The following ARHGAP26 variants were observed in gnomAD, a reference collection of about 807,000 sequenced individuals.
ARHGAP26 encodes the protein rho GTPase-activating protein 26.
Under a neutral mutation model 104.8 loss-of-function variants are expected in ARHGAP26, and 38 were observed. The ratio of observed to expected loss-of-function variants is 0.36; its 90% CI spans 0.28 to 0.48. The LOEUF (loss-of-function observed/expected upper bound fraction) is 0.48, where lower values mean the gene tolerates loss of function less well. Among genes scored for constraint, ARHGAP26 ranks in the 20% least tolerant of loss-of-function variants. The pLI is 0.99. For missense variants in ARHGAP26, 704 were observed against 947.9 expected (o/e 0.74, Z 3.38); for synonymous variants, 341 against 340.0 (o/e 1.00, Z -0.03).
chr5:142,953,536 A>G (rs892929878), intron 11 of ARHGAP26, among the ~76,000 whole-genome samples: 3 of 152,176 alleles, frequency 2.0e-5, no homozygotes, highest in African/African-American at 7.2e-5. Flanking sequence ...AGTCTAGTTC[A>G]AGCACCTGCT....
At chr5:142,922,883 A>C (rs755329377) in intron 10 of ARHGAP26, among the ~76,000 whole-genome samples, 15 of 152,096 alleles carry the variant, frequency 9.9e-5, no homozygotes, top group Non-Finnish European at 2.1e-4. Flanking sequence ...TGGTTGGATT[A>C]GAGTGCTGGT....
Position 143,089,369 on chromosome 5 carries a change from T to C in ARHGAP26, c.1539-31619T>C, listed in dbSNP as rs547871395. On this transcript the variant is annotated intron_variant, in intron 17 of 22. Coordinates refer to ENST00000645722, the MANE Select transcript of ARHGAP26 (RefSeq NM_001135608.3). ...GCGAGGGAAGTAAGAATTGAGGCTA[T>C]TATTCTTTTCCATTTACCGAACTAC... is the stretch of plus-strand genomic sequence containing the variant. Among the ~76,000 whole-genome samples the C allele has an allele frequency of 1.1e-4, 16 of 152,312 alleles. No homozygotes were observed. In the South Asian group the frequency reaches 3.1e-3, roughly 30 times the overall value.
intron 17 of ARHGAP26, among the ~76,000 whole-genome samples, chr5:143,094,796 A>G (rs527461026): frequency 6.6e-6 from 1 of 152,234 alleles, no homozygotes; most frequent in Admixed American, 6.5e-5. Context: ...TTGGGGGGAA[A>G]ATGGCTATGA....
At chr5:142,978,676 C>T (rs1335232713) in intron 11 of ARHGAP26, among the ~76,000 whole-genome samples, 2 of 151,832 alleles carry the variant, frequency 1.3e-5, no homozygotes, top group African/African-American at 4.8e-5. Flanking sequence ...TGATACTTTC[C>T]ACCTCTTGAA....
At chr5:143,045,403 A>G (rs182689733) in intron 14 of ARHGAP26, among the ~76,000 whole-genome samples, 27 of 147,908 alleles carry the variant, frequency 1.8e-4, no homozygotes, top group African/African-American at 7.2e-4. Flanking sequence ...GAATCTCTCA[A>G]TTACGGAATC....
intron 9 of ARHGAP26, 67 bp from the exon 10 acceptor site, chr5:142,913,132 T>C (rs1228824879): frequency 1.5e-5 from 19 of 1,289,770 alleles, no homozygotes; most frequent in Non-Finnish European, 2.1e-5. Context: ...TTACATGTCA[T>C]GTATGTCCTG....
At chr5:143,063,457 T>C (rs1399232298) in intron 17 of ARHGAP26, among the ~76,000 whole-genome samples, 5 of 152,182 alleles carry the variant, frequency 3.3e-5, no homozygotes, top group Non-Finnish European at 7.3e-5. Context: ...CAAAGGCAGC[T>C]TCCCCATTGC....
intron 17 of ARHGAP26, among the ~76,000 whole-genome samples, chr5:143,085,286 A>G (rs1170254363): frequency 1.3e-5 from 2 of 152,108 alleles, no homozygotes; most frequent in Admixed American, 6.6e-5. Context: ...GGCAGATAGT[A>G]GGGGAGACAT....
intron 1 of ARHGAP26, among the ~76,000 whole-genome samples, chr5:142,797,989 G>A (rs1327252358): frequency 1.3e-5 from 2 of 152,068 alleles, no homozygotes; most frequent in Non-Finnish European, 2.9e-5. Context: ...CTTCTTTTCC[G>A]CTATGTCCCA....
At chr5:143,135,085 G>T (rs758131660) in intron 19 of ARHGAP26, among the ~76,000 whole-genome samples, 3 of 152,246 alleles carry the variant, frequency 2.0e-5, no homozygotes, top group Non-Finnish European at 2.9e-5. Flanking sequence ...CTACAAATGT[G>T]AGTCAGCATC....
intron 10 of ARHGAP26, among the ~76,000 whole-genome samples, chr5:142,920,247 G>A (rs1435668631): frequency 1.3e-5 from 2 of 152,164 alleles, no homozygotes; most frequent in East Asian, 3.9e-4. Context: ...GATGTGAATC[G>A]GTAGTACTTG....
intron 1 of ARHGAP26, among the ~76,000 whole-genome samples, chr5:142,796,432 T>A (rs1761005045): frequency 6.6e-6 from 1 of 152,240 alleles, no homozygotes; most frequent in Non-Finnish European, 1.5e-5. Flanking sequence ...GTTCTGTGAT[T>A]ATAATCGCTG....
At chr5:143,066,769 T>C (rs1787551199) in intron 17 of ARHGAP26, among the ~76,000 whole-genome samples, 1 of 152,216 alleles carries the variant, frequency 6.6e-6, no homozygotes, top group African/African-American at 2.4e-5. Context: ...CTTGCTTGTG[T>C]TTGCTTAGCA....
intron 11 of ARHGAP26, among the ~76,000 whole-genome samples, chr5:142,975,198 C>T (rs907380613): frequency 2.6e-5 from 4 of 152,136 alleles, no homozygotes; most frequent in East Asian, 1.9e-4. Flanking sequence ...TGCTGCTAAA[C>T]GGCATGGACT....
intron 1 of ARHGAP26, among the ~76,000 whole-genome samples, chr5:142,873,144 T>C (rs1755568584): frequency 6.6e-6 from 1 of 152,240 alleles, no homozygotes; most frequent in Non-Finnish European, 1.5e-5. Flanking sequence ...AGATGACAAG[T>C]TGCCTTTAGA....
intron 1 of ARHGAP26, among the ~76,000 whole-genome samples, chr5:142,791,941 CA>C (rs11397426): frequency 0.021 from 1,399 of 65,150 alleles, 23 homozygotes; most frequent in East Asian, 0.17. Context: ...AAACCCGTCT[CA>C]AAAAAAAAAA....
chr5:143,200,046 C>T (rs568570207), intron 20 of ARHGAP26, among the ~76,000 whole-genome samples: 13 of 152,308 alleles, frequency 8.5e-5, no homozygotes, highest in Admixed American at 6.5e-4. Flanking sequence ...TTAAACATTG[C>T]TTCCACGTGG....
Position 143,225,845 on chromosome 5 carries a change from C to A in ARHGAP26, c.*3399C>A, listed in dbSNP as rs1384698097. On this transcript the variant is annotated 3_prime_UTR_variant, in exon 23 of 23. Transcript: ENST00000645722. ...AGATGGCTTCTCTGTTTCCCTTTGC[C>A]CAGCCAGGCTCCCCTCCTTCCTATT... 3.5e-5 allele frequency: 8 copies of A among 227,600 alleles called. No individual in the cohort carries two copies. In the East Asian group the frequency reaches 3.8e-4, roughly 11 times the overall value. 14.1% of individuals were successfully genotyped at this position (227,600 alleles called of 1,614,324 possible).
chr5:143,134,470 T>C (rs1797703774), intron 19 of ARHGAP26, among the ~76,000 whole-genome samples: 2 of 152,164 alleles, frequency 1.3e-5, no homozygotes, highest in Admixed American at 6.5e-5. Context: ...CTTTTCTCGG[T>C]TGTAATGAAA....
Sources: gnomAD v4.1 joint callset for allele counts (sites outside exome capture counted in the v4.1 genomes callset) on GRCh38, gnomAD v4.1.1 for gene constraint, MANE v1.5 for transcripts, NCBI Gene and HGNC (gene_info 2026-07-23, HGNC 2026-07-21) for gene names.